SGSM3: variants seen among roughly 807,000 people sequenced by gnomAD.
The protein encoded by SGSM3 is small G protein signaling modulator 3, also known as RUN and SH3 containing 3.
Under a neutral mutation model 100.5 loss-of-function variants are expected in SGSM3, and 96 were observed. That is an observed-to-expected ratio of 0.96 (90% CI 0.81 to 1.13). SGSM3 has a LOEUF of 1.13. Among genes scored for constraint, SGSM3 ranks in the 50% most tolerant of loss-of-function variants. The pLI, the probability that SGSM3 is intolerant of heterozygous loss-of-function variation, is 0.00. For missense variants in SGSM3, 1,001 were observed against 1,015.8 expected, an observed-to-expected ratio of 0.99 and a Z score of 0.20; for synonymous variants, 483 against 422.8, an observed-to-expected ratio of 1.14 and a Z score of -1.75.
In SGSM3 at chr22:40,401,644, G is replaced by A; in HGVS notation, c.59G>A (p.Trp20Ter). 6.2e-7 allele frequency: 1 copy of A among 1,613,372 alleles called. No individual in the cohort carries two copies. Among genetic ancestry groups the A allele is most frequent in the Non-Finnish European group, 8.5e-7 (1 of 1,179,522 alleles). Residue 20 changes from tryptophan to a stop codon, truncating the protein, a stop_gained, in exon 3 of 22, where the codon TGG becomes TAG. Coordinates refer to ENST00000248929, the MANE Select transcript of SGSM3 (RefSeq NM_015705.6). LOFTEE classifies it high-confidence loss of function. ...TTCTCAGCCCTGACTCCGAGCATAT[G>A]GCCCCAGGAGATCTTGGCCAAGTAC... ...GPFSALTPSI[W>*]PQEILAKYTQ...
chr22:40,408,593 G>A lies in SGSM3; in HGVS notation c.1783-34G>A, dbSNP rs138683892. 908 of 1,612,582 alleles carry A rather than the reference G, an allele frequency of 5.6e-4. 10 individuals are homozygous for A. The African/African-American group carries it at 7.2e-3, about 13-fold the overall frequency. On this transcript the variant is annotated intron_variant, in intron 16 of 21. Coordinates refer to ENST00000248929, the MANE Select transcript of SGSM3 (RefSeq NM_015705.6). ...AAGGGCTTTGAACCAGCATCTTCCT[G>A]TCCCTGCACTCACACCGTGTGCTGT...
At position 40,407,039 on chromosome 22, in the gene SGSM3, G is replaced by T. The variant is rs768300207; in HGVS notation, c.1208G>T (p.Arg403Leu). 1.3e-6 allele frequency: 2 copies of T among 1,585,340 alleles called. No individual in the cohort carries two copies. The highest frequency in any genetic ancestry group is 8.6e-7 in the Non-Finnish European group (1 of 1,165,780). The change falls in exon 11 of 22, where the codon CGG becomes CTG. Residue 403 changes from arginine (R) to leucine (L), a missense_variant. Physicochemically the swap from Arg to Leu is moderately radical, Grantham distance 102. Transcript: ENST00000248929. This position sits in a 1 kb window ranked among gnomAD's most constrained non-coding sequence, Gnocchi z 4.7. ...LSQVVRRRTQ[R>L]RKSTITALLF... ...CAGGTTGTTCGCCGCAGGACCCAGC[G>T]GAGGAAGTCCACCATCACTGCTCTG...
Position 40,409,536 on chromosome 22 carries a change from T to G in SGSM3, c.2172+11T>G. The stretch of plus-strand genomic sequence containing the variant: ...CCTGCGAAGAGAGAGGTGGGTGGTG[T>G]GGGCCTCGTAGGGCCTGCACTGATG... On this transcript the variant is annotated intron_variant, in intron 21 of 21. Coordinates refer to ENST00000248929, the MANE Select transcript of SGSM3 (RefSeq NM_015705.6). 6.2e-7 allele frequency: 1 copy of G among 1,604,970 alleles called. No individual in the cohort carries two copies. Among genetic ancestry groups the G allele is most frequent in the Non-Finnish European group, 8.5e-7 (1 of 1,176,526 alleles).
intron 1 of SGSM3, among the ~76,000 whole-genome samples, chr22:40,389,916 G>GAAAAAA (rs34606137): frequency 9.5e-6 from 1 of 104,936 alleles, no homozygotes; most frequent in Admixed American, 9.2e-5. Flanking sequence ...AAAAAAAAAA[G>GAAAAAA]AAAAAAAAAA....
intron 1 of SGSM3, among the ~76,000 whole-genome samples, chr22:40,386,690 C>T (rs75719877): frequency 7.5e-5 from 11 of 147,182 alleles, no homozygotes; most frequent in African/African-American, 2.5e-4. Flanking sequence ...CCAAAGTGTT[C>T]GGGTTACATA....
rs1368640618 is a variant in SGSM3 at position 40,406,434 on chromosome 22, C to T, written c.961-4C>T. On this transcript the variant is annotated splice_region_variant and splice_polypyrimidine_tract_variant and intron_variant, in intron 9 of 21. Transcript: ENST00000248929. ...TTCCCCCATCCTGCCCTGGCATGGC[C>T]CAGGAGGAAGAGCTGATCCAGTCAG... The T allele has an allele frequency of 2.5e-6, 4 of 1,571,930 alleles. No homozygotes were observed. In the South Asian group the frequency reaches 4.7e-5, roughly 19 times the overall value.
intron 1 of SGSM3, among the ~76,000 whole-genome samples, chr22:40,376,959 G>A (rs1254076986): frequency 6.6e-6 from 1 of 152,158 alleles, no homozygotes; most frequent in African/African-American, 2.4e-5. Flanking sequence ...AAATATGCTT[G>A]TGACCATCAC....
chr22:40,401,078 TAATGTGC>T, intron 2 of SGSM3, among the ~76,000 whole-genome samples: 1 of 152,220 alleles, frequency 6.6e-6, no homozygotes, highest in East Asian at 1.9e-4. Context: ...TCATGTTTTG[TAATGTGC>T]TGCTGTTTCT....
intron 1 of SGSM3, among the ~76,000 whole-genome samples, chr22:40,391,939 T>G (rs2049401582): frequency 6.6e-6 from 1 of 152,204 alleles, no homozygotes; most frequent in African/African-American, 2.4e-5. Context: ...TCAGGAGACG[T>G]GGGGGTATAT....
chr22:40,403,290 C>T (rs894723962), intron 4 of SGSM3, among the ~76,000 whole-genome samples: 1 of 152,174 alleles, frequency 6.6e-6, no homozygotes, highest in African/African-American at 2.4e-5. Flanking sequence ...AAGGACGAGG[C>T]TGTCTGTGGA....
chr22:40,401,642 A>ATG lies in SGSM3; in HGVS notation c.58_59dup (p.Trp20CysfsTer49). 1 of 1,613,310 alleles carries ATG rather than the reference A, an allele frequency of 6.2e-7. No homozygotes were observed. Among genetic ancestry groups the ATG allele is most frequent in the Non-Finnish European group, 8.5e-7 (1 of 1,179,472 alleles). ...CTTTCTCAGCCCTGACTCCGAGCATATGGCCCCAGGAGATCTTGGCCAAGT... is the reference window on the plus strand; with the variant it reads ...CTTTCTCAGCCCTGACTCCGAGCATATGTGGCCCCAGGAGATCTTGGCCAAGT... On this transcript the variant is annotated frameshift_variant, in exon 3 of 22. Coordinates refer to ENST00000248929, the MANE Select transcript of SGSM3 (RefSeq NM_015705.6). LOFTEE classifies it high-confidence loss of function.
Position 40,405,257 on chromosome 22 carries a change from G to T in SGSM3, c.591G>T (p.Glu197Asp). 1 of 1,532,054 alleles carries T rather than the reference G, an allele frequency of 6.5e-7. No homozygotes were observed. The highest frequency in any genetic ancestry group is 8.8e-7 in the Non-Finnish European group (1 of 1,138,598). 94.9% of individuals were successfully genotyped at this position (1,532,054 alleles called of 1,614,324 possible). A position where few individuals can be genotyped will look rare whatever the true frequency, so the allele number is the denominator to read the frequency against. Residue 197 changes from glutamate to aspartate, a missense_variant, in exon 7 of 22, where the codon GAG (glutamate) becomes GAT (aspartate). By Grantham distance (45) the Glu-to-Asp change is conservative. Coordinates refer to ENST00000248929, the MANE Select transcript of SGSM3 (RefSeq NM_015705.6). ...GGGCCCTGGCCTGGCTCTACCCAGA[G>T]ATCGGCTACTGCCAGGGCACCGGCA... is the stretch of plus-strand genomic sequence containing the variant. ...VLRALAWLYP[E>D]IGYCQGTGMV...
chr22:40,375,592 A>G lies in SGSM3; in HGVS notation c.-112+4904A>G, dbSNP rs1055164372. The stretch of plus-strand genomic sequence containing the variant: ...TGAAACTCTGTCTCAAAAAAAAAAA[A>G]AGAGATTGACACCCCCAATTCAGTG... On this transcript the variant is annotated intron_variant, in intron 1 of 21. Coordinates refer to ENST00000248929, the MANE Select transcript of SGSM3 (RefSeq NM_015705.6). Among the ~76,000 whole-genome samples, 65 of 152,092 alleles carry G rather than the reference A, an allele frequency of 4.3e-4. 1 individual carries two copies. The highest frequency in any genetic ancestry group is 1.3e-3 in the African/African-American group (55 of 41,486).
chr22:40,407,935 C>A lies in SGSM3; in HGVS notation c.1579+92C>A. ...ACCCTGGCCGCCACCAAGCTGTTCTCCTCTATACACCTGCCTGGCTTGAGG... is the reference window on the plus strand; with the variant it reads ...ACCCTGGCCGCCACCAAGCTGTTCTACTCTATACACCTGCCTGGCTTGAGG... On this transcript the variant is annotated intron_variant, in intron 14 of 21. Transcript: ENST00000248929. The surrounding 1 kb of genome is among the most constrained non-coding windows in gnomAD (Gnocchi z 4.7). 6.9e-7 allele frequency: 1 copy of A among 1,452,726 alleles called. No homozygotes were observed. Among genetic ancestry groups the A allele is most frequent in the Non-Finnish European group, 9.5e-7 (1 of 1,056,538 alleles). 90.0% of individuals were successfully genotyped at this position (1,452,726 alleles called of 1,614,324 possible). A position where few individuals can be genotyped will look rare whatever the true frequency, so the allele number is the denominator to read the frequency against.
At chr22:40,409,085 G>T (rs1035702173) in intron 19 of SGSM3, 67 bp downstream of exon 19, 5 of 1,551,236 alleles carry the variant, frequency 3.2e-6, no homozygotes, top group Non-Finnish European at 4.4e-6. Context: ...ATCAGGGGGG[G>T]TCCTTACAGG....
At chr22:40,393,233 C>T (rs143266608) in intron 1 of SGSM3, among the ~76,000 whole-genome samples, 124 of 152,354 alleles carry the variant, frequency 8.1e-4, no homozygotes, top group African/African-American at 2.8e-3. Flanking sequence ...TCTCCCGCCT[C>T]GGCCTCCCAA....
chr22:40,380,364 ATT>A (rs555526386), intron 1 of SGSM3, among the ~76,000 whole-genome samples: 4 of 134,236 alleles, frequency 3.0e-5, no homozygotes, highest in Non-Finnish European at 4.8e-5. Flanking sequence ...AATATCTATA[ATT>A]TTTTTTTTTT....
rs567951229 is a variant in SGSM3, at chr22:40,387,808, T to G, written c.-111-12888T>G. On this transcript the variant is annotated intron_variant, in intron 1 of 21. Transcript: ENST00000248929. ...GGACTCAGGTAAGTAACCAGATTACTGTGGATGATTGATTATTTGATATGA... is the reference window on the plus strand; with the variant it reads ...GGACTCAGGTAAGTAACCAGATTACGGTGGATGATTGATTATTTGATATGA... 3.9e-5 allele frequency among the ~76,000 whole-genome samples: 6 copies of G among 152,268 alleles called. No individual in the cohort carries two copies. In the East Asian group the frequency reaches 1.2e-3, roughly 29 times the overall value.
intron 1 of SGSM3, among the ~76,000 whole-genome samples, chr22:40,380,938 ATAAAT>A (rs1371640783): frequency 1.3e-5 from 2 of 152,116 alleles, no homozygotes; most frequent in Non-Finnish European, 2.9e-5. Context: ...CTGCTCAAAA[ATAAAT>A]TAATAAATTA....
Sources: allele counts gnomAD v4.1 joint callset (sites outside exome capture counted in the v4.1 genomes callset), GRCh38; gene constraint gnomAD v4.1.1; non-coding constraint Gnocchi (gnomAD v3.1); transcripts MANE v1.5; gene names NCBI Gene and HGNC (gene_info 2026-07-23, HGNC 2026-07-21).